PTPRQ: variants seen among roughly 807,000 people sequenced by gnomAD.
PTPRQ encodes protein tyrosine phosphatase receptor type Q.
Under a neutral mutation model 246.0 loss-of-function variants are expected in PTPRQ, and 199 were observed. The observed-to-expected ratio is 0.81, with a 90% CI of 0.72 to 0.91. The LOEUF is 0.91. Ranked by LOEUF, PTPRQ falls within the 40% of genes least tolerant of loss-of-function variation. PTPRQ has a pLI of 0.00. For missense variants in PTPRQ, 2,624 were observed against 2,528.4 expected, an observed-to-expected ratio of 1.04 and a Z score of -0.81; for synonymous variants, 869 against 853.2, an observed-to-expected ratio of 1.02 and a Z score of -0.32.
chr12:80,530,203 G>C (rs1222840758), intron 17 of PTPRQ, among the ~76,000 whole-genome samples: 1 of 151,844 alleles, frequency 6.6e-6, no homozygotes, highest in East Asian at 1.9e-4. Context: ...TTTTTATACT[G>C]TGGTCACAAC....
intron 38 of PTPRQ, among the ~76,000 whole-genome samples, chr12:80,657,619 A>G (rs2121247842): frequency 6.6e-6 from 1 of 152,002 alleles, no homozygotes; most frequent in East Asian, 1.9e-4. Context: ...ATATTCAAAC[A>G]GTGAAATACT....
chr12:80,566,799 C>T (rs1296801023), intron 25 of PTPRQ, among the ~76,000 whole-genome samples: 10 of 152,166 alleles, frequency 6.6e-5, no homozygotes, highest in Admixed American at 6.5e-4. Flanking sequence ...CTTGGCCTCA[C>T]AAAATGCTGC....
chr12:80,496,139 A>G, intron 13 of PTPRQ, 33 bp downstream of exon 13: 1 of 1,543,558 alleles, frequency 6.5e-7, no homozygotes, highest in South Asian at 1.2e-5. Flanking sequence ...TAATTTTTTT[A>G]AAAAAGTGGT....
chr12:80,590,529 A>G (rs1483009068), intron 26 of PTPRQ, among the ~76,000 whole-genome samples: 1 of 151,806 alleles, frequency 6.6e-6, no homozygotes, highest in Admixed American at 6.6e-5. Context: ...TTAGCCAGGC[A>G]TGGTGGCAGG....
At chr12:80,551,629 T>C (rs1379002169) in intron 25 of PTPRQ, among the ~76,000 whole-genome samples, 1 of 152,068 alleles carries the variant, frequency 6.6e-6, no homozygotes, top group Non-Finnish European at 1.5e-5. Context: ...GCACCATGTG[T>C]AGGAGATGGG....
intron 42 of PTPRQ, among the ~76,000 whole-genome samples, chr12:80,670,932 T>C (rs1705341268): frequency 6.6e-6 from 1 of 152,046 alleles, no homozygotes; most frequent in Non-Finnish European, 1.5e-5. Context: ...TGCCACTGAA[T>C]TGTACATGTA....
intron 33 of PTPRQ, among the ~76,000 whole-genome samples, chr12:80,626,542 C>G (rs1899207457): frequency 6.6e-6 from 1 of 152,140 alleles, no homozygotes; most frequent in East Asian, 1.9e-4. Context: ...AACAACACCT[C>G]CTATTTACAT....
Position 80,542,274 on chromosome 12 carries a change from C to T in PTPRQ, c.3631C>T (p.Pro1211Ser). Residue 1211 changes from proline (P) to serine (S), a missense_variant, in exon 22 of 45, where the codon CCA (proline) becomes TCA (serine). Transcript: ENST00000644991. Reference sequence around the variant, plus strand: ...TTACATAATATTGGAAGAGCTTTCACCATTTACATTATATAGCTTTTTTGC... The same window carrying T: ...TTACATAATATTGGAAGAGCTTTCATCATTTACATTATATAGCTTTTTTGC... The part of the protein sequence containing the change: ...DNYIILEELS[P>S]FTLYSFFAAA... The T allele has an allele frequency of 6.4e-7, 1 of 1,550,522 alleles. No individual in the cohort carries two copies. The highest frequency in any genetic ancestry group is 1.2e-5 in the South Asian group (1 of 83,790).
intron 25 of PTPRQ, among the ~76,000 whole-genome samples, chr12:80,565,972 A>AT (rs1386979181): frequency 6.6e-6 from 1 of 152,178 alleles, no homozygotes; most frequent in African/African-American, 2.4e-5. Flanking sequence ...TAAAAGTAGC[A>AT]TTTTTTAGTA....
intron 3 of PTPRQ, chr12:80,454,677 G>C: frequency 3.4e-6 from 2 of 589,212 alleles, no homozygotes; most frequent in East Asian, 2.8e-5. Flanking sequence ...TTATCATGAA[G>C]GGATATTGGA....
intron 9 of PTPRQ, among the ~76,000 whole-genome samples, chr12:80,485,510 T>G (rs991604749): frequency 6.6e-6 from 1 of 152,184 alleles, no homozygotes; most frequent in Non-Finnish European, 1.5e-5. Flanking sequence ...CTATTTCTAG[T>G]CCCAGCCTTC....
At chr12:80,584,891 T>C (rs534369389) in intron 25 of PTPRQ, among the ~76,000 whole-genome samples, 14 of 152,238 alleles carry the variant, frequency 9.2e-5, no homozygotes, top group South Asian at 2.1e-4. Flanking sequence ...ACATTTTTTT[T>C]CCCTAAAGAT....
Position 80,495,386 on chromosome 12 carries a change from T to TCTG in PTPRQ, c.1882+15_1882+16insCTG, listed in dbSNP as rs145970310. The TCTG allele has an allele frequency of 5.7e-6, 8 of 1,391,964 alleles. No individual in the cohort carries two copies. The highest frequency in any genetic ancestry group is 3.1e-5 in the Admixed American group (1 of 32,662). 86.2% of individuals were successfully genotyped at this position (1,391,964 alleles called of 1,614,324 possible). Reference sequence around the variant, plus strand: ...TCTCATAACAGGTAGAAAACAATGTTTTGTTGTTGTTGTTGTTGTTCATTT... The same window carrying TCTG: ...TCTCATAACAGGTAGAAAACAATGTTCTGTTGTTGTTGTTGTTGTTGTTCATTT... On this transcript the variant is annotated intron_variant, in intron 12 of 44. Coordinates refer to ENST00000644991, the MANE Select transcript of PTPRQ (RefSeq NM_001145026.2).
At chr12:80,542,618 A>G in intron 22 of PTPRQ, 112 bp from the exon 23 acceptor site, 2 of 1,265,904 alleles carry the variant, frequency 1.6e-6, no homozygotes, top group Admixed American at 6.5e-5. Context: ...AAATTTAAAT[A>G]TGATCATTTT....
Position 80,635,716 on chromosome 12 carries a change from T to G in PTPRQ, c.5915+643T>G, listed in dbSNP as rs138367055. Among the ~76,000 whole-genome samples the G allele has an allele frequency of 1.7e-3, 261 of 152,220 alleles. 2 individuals are homozygous for G. Among genetic ancestry groups the G allele is most frequent in the Middle Eastern group, 6.9e-3 (2 of 288 alleles). On this transcript the variant is annotated intron_variant, in intron 35 of 44. Coordinates refer to ENST00000644991, the MANE Select transcript of PTPRQ (RefSeq NM_001145026.2). ...TAAATCCTTTTAAAAGCATTATCAA[T>G]TATTCAAAATGTTGGCACATTATAA...
intron 35 of PTPRQ, among the ~76,000 whole-genome samples, chr12:80,646,798 A>G (rs1298534561): frequency 1.3e-5 from 2 of 152,198 alleles, no homozygotes; most frequent in African/African-American, 4.8e-5. Flanking sequence ...AAAATGAATT[A>G]AGAATAGTGA....
chr12:80,498,202 T>G (rs1358776885), intron 14 of PTPRQ, among the ~76,000 whole-genome samples: 1 of 152,114 alleles, frequency 6.6e-6, no homozygotes, highest in African/African-American at 2.4e-5. Context: ...TGCTCTTTAA[T>G]GACTCAGTTT....
At chr12:80,480,613 A>G (rs1430673066) in intron 8 of PTPRQ, among the ~76,000 whole-genome samples, 3 of 151,666 alleles carry the variant, frequency 2.0e-5, no homozygotes, top group Admixed American at 6.6e-5. Context: ...TCAACAAAAT[A>G]CATAGACCAC....
intron 25 of PTPRQ, among the ~76,000 whole-genome samples, chr12:80,558,483 T>TC (rs1896728838): frequency 6.6e-6 from 1 of 150,896 alleles, no homozygotes; most frequent in Admixed American, 6.6e-5. Context: ...TTTTTTTTTT[T>TC]TTTCTTTTTG....
Sources: gnomAD v4.1 joint callset for allele counts (sites outside exome capture counted in the v4.1 genomes callset) on GRCh38, gnomAD v4.1.1 for gene constraint, MANE v1.5 for transcripts, NCBI Gene and HGNC (gene_info 2026-07-23, HGNC 2026-07-21) for gene names.